Variants in DLG2 observed in about 807,000 individuals in gnomAD.
DLG2 encodes discs large MAGUK scaffold protein 2.
A neutral mutation model predicts 132.5 loss-of-function variants in DLG2; 45 were observed. The ratio of observed to expected loss-of-function variants is 0.34; its 90% CI spans 0.27 to 0.44. The LOEUF is 0.44. Among genes scored for constraint, DLG2 ranks in the 20% least tolerant of loss-of-function variants. The pLI is 1.00. For missense variants in DLG2, 1,045 were observed against 1,196.9 expected (o/e 0.87, Z 1.87); for synonymous variants, 424 against 419.6 (o/e 1.01, Z -0.13).
intron 18 of DLG2, among the ~76,000 whole-genome samples, chr11:83,715,298 A>G (rs111721977): frequency 1.3e-5 from 2 of 152,244 alleles, no homozygotes; most frequent in Non-Finnish European, 2.9e-5. Flanking sequence ...TTAAATATAC[A>G]TAGATTGCAC....
chr11:84,401,265 T>A (rs566851132), intron 7 of DLG2, among the ~76,000 whole-genome samples: 45 of 152,278 alleles, frequency 3.0e-4, no homozygotes, highest in African/African-American at 1.1e-3. Flanking sequence ...CCTTGCAGAC[T>A]CTCTTACCAC....
intron 7 of DLG2, among the ~76,000 whole-genome samples, chr11:84,338,705 C>T (rs1018428911): frequency 2.6e-5 from 4 of 152,076 alleles, no homozygotes; most frequent in African/African-American, 9.7e-5. Context: ...ACACGGGAGG[C>T]TGAGGCAGGA....
At chr11:83,466,556 C>A in intron 26 of DLG2, 152 bp downstream of exon 26, 1 of 488,648 alleles carries the variant, frequency 2.0e-6, no homozygotes, top group Non-Finnish European at 3.7e-6. Context: ...TTTAAAAGAA[C>A]TTTGATATAT....
intron 18 of DLG2, among the ~76,000 whole-genome samples, chr11:83,681,131 T>C (rs980075613): frequency 3.3e-5 from 5 of 152,140 alleles, no homozygotes; most frequent in African/African-American, 1.2e-4. Context: ...CTCCTCTCCA[T>C]ATATAATATG....
intron 18 of DLG2, among the ~76,000 whole-genome samples, chr11:83,766,412 T>A (rs1160432991): frequency 1.3e-5 from 2 of 151,606 alleles, no homozygotes; most frequent in Non-Finnish European, 2.9e-5. Flanking sequence ...TTTTTTTTTT[T>A]TATAATGAGT....
At chr11:84,923,425 A>C in intron 6 of DLG2, 2 of 994,244 alleles carry the variant, frequency 2.0e-6, no homozygotes, top group Non-Finnish European at 2.4e-6. Flanking sequence ...CTGGATTAAA[A>C]AAAAAAAAGA....
intron 3 of DLG2, among the ~76,000 whole-genome samples, chr11:85,487,978 G>A (rs990747590): frequency 6.6e-6 from 1 of 152,224 alleles, no homozygotes; most frequent in Non-Finnish European, 1.5e-5. Flanking sequence ...TTAGAATCAT[G>A]AGGGTGGTTT....
At chr11:84,074,775 A>G (rs967741342) in intron 10 of DLG2, among the ~76,000 whole-genome samples, 1 of 151,694 alleles carries the variant, frequency 6.6e-6, no homozygotes, top group East Asian at 1.9e-4. Context: ...TGATCTGCCC[A>G]CCTCGGCCTC....
chr11:84,164,129 T>C (rs1487062772), intron 8 of DLG2, among the ~76,000 whole-genome samples: 2 of 152,188 alleles, frequency 1.3e-5, no homozygotes, highest in East Asian at 3.8e-4. Context: ...TTGAAATGCT[T>C]AGTGACGAAT....
chr11:85,066,227 C>T (rs1218456626), intron 6 of DLG2, among the ~76,000 whole-genome samples: 1 of 151,566 alleles, frequency 6.6e-6, no homozygotes, highest in Non-Finnish European at 1.5e-5. Flanking sequence ...TGGAAACAAA[C>T]AACCTCCCAA....
In DLG2 at chr11:83,951,696, G is replaced by A. The variant is rs77128857; in HGVS notation, c.1340+11189C>T. Among the ~76,000 whole-genome samples the A allele has an allele frequency of 2.3e-3, 352 of 152,228 alleles. 2 individuals carry two copies. Among genetic ancestry groups the A allele is most frequent in the African/African-American group, 8.3e-3 (346 of 41,536 alleles). On this transcript the variant is annotated intron_variant, in intron 14 of 27. Transcript: ENST00000376104. ...CAGTGAAGGGAGTGGTGGGGGATGA[G>A]GTCAGAGCAGCCAGCTGGAGTCAAA...
intron 3 of DLG2, chr11:85,469,672 T>A (rs1331535627): frequency 6.6e-6 from 1 of 152,216 alleles, no homozygotes; most frequent in Non-Finnish European, 1.5e-5. Flanking sequence ...AGGTTTGTAG[T>A]TCTTATTTAT....
At chr11:84,172,288 TTAAA>T (rs1191101914) in intron 8 of DLG2, among the ~76,000 whole-genome samples, 9 of 152,148 alleles carry the variant, frequency 5.9e-5, no homozygotes, top group African/African-American at 2.2e-4. Flanking sequence ...ATTCCTTTCT[TTAAA>T]TAAACGCTCA....
chr11:84,234,264 C>T (rs2097131209), intron 8 of DLG2, among the ~76,000 whole-genome samples: 1 of 152,152 alleles, frequency 6.6e-6, no homozygotes, highest in African/African-American at 2.4e-5. Flanking sequence ...CTTGGCCAGC[C>T]TCCAAGTGTA....
intron 7 of DLG2, among the ~76,000 whole-genome samples, chr11:84,460,335 T>G (rs2099077085): frequency 6.6e-6 from 1 of 150,588 alleles, no homozygotes; most frequent in African/African-American, 2.4e-5. Flanking sequence ...ATTTTTGACA[T>G]CTGGGTAATA....
chr11:83,673,338 T>C (rs2077145835), intron 18 of DLG2, among the ~76,000 whole-genome samples: 1 of 152,164 alleles, frequency 6.6e-6, no homozygotes, highest in Non-Finnish European at 1.5e-5. Context: ...CTAAACATTT[T>C]GACTGTGTTT....
chr11:85,086,379 CAAT>C (rs1328914004), intron 6 of DLG2, among the ~76,000 whole-genome samples: 1 of 151,950 alleles, frequency 6.6e-6, no homozygotes, highest in African/African-American at 2.4e-5. Context: ...GGATGAAAAA[CAAT>C]AGTTATAGAA....
intron 18 of DLG2, among the ~76,000 whole-genome samples, chr11:83,761,778 G>C (rs922816481): frequency 1.3e-5 from 2 of 152,194 alleles, no homozygotes; most frequent in Non-Finnish European, 2.9e-5. Context: ...GAGGCCGGGA[G>C]CTGTATCATT....
At chr11:84,457,189 A>C (rs1015651002) in intron 7 of DLG2, among the ~76,000 whole-genome samples, 1 of 151,134 alleles carries the variant, frequency 6.6e-6, no homozygotes, top group Admixed American at 6.6e-5. Flanking sequence ...ATTCAAAGAC[A>C]ATATATCAAA....
Sources: allele counts gnomAD v4.1 joint callset (sites outside exome capture counted in the v4.1 genomes callset), GRCh38; gene constraint gnomAD v4.1.1; transcripts MANE v1.5; gene names NCBI Gene and HGNC (gene_info 2026-07-23, HGNC 2026-07-21).